Variants in SGCZ observed in about 807,000 individuals in gnomAD.
SGCZ encodes zeta-sarcoglycan.
SGCZ carries 40 observed loss-of-function variants against 41.3 expected under a neutral mutation model. That is an observed-to-expected ratio of 0.97 (90% CI 0.75 to 1.26). The LOEUF is 1.26. SGCZ is among the 50% of genes most tolerant of loss of function. SGCZ has a pLI of 0.00. For missense variants in SGCZ, 552 were observed against 369.8 expected (o/e 1.49, Z -4.04); for synonymous variants, 206 against 137.5 (o/e 1.50, Z -3.49).
chr8:14,153,006 T>C (rs1803756771), intron 5 of SGCZ, among the ~76,000 whole-genome samples: 1 of 151,906 alleles, frequency 6.6e-6, no homozygotes, highest in South Asian at 2.1e-4. Flanking sequence ...AATAAGTGAT[T>C]GTCGGGGGTT....
chr8:14,721,366 T>C (rs1290715685), intron 1 of SGCZ, among the ~76,000 whole-genome samples: 1 of 152,206 alleles, frequency 6.6e-6, no homozygotes, highest in African/African-American at 2.4e-5. Flanking sequence ...GAGCTCAATC[T>C]AGATATCCAA....
At chr8:15,235,645 T>G (rs1340489783) in intron 1 of SGCZ, among the ~76,000 whole-genome samples, 1 of 152,126 alleles carries the variant, frequency 6.6e-6, no homozygotes, top group African/African-American at 2.4e-5. Context: ...GTTTCCCCAG[T>G]GGGTTTGCTC....
intron 1 of SGCZ, among the ~76,000 whole-genome samples, chr8:14,697,190 G>T (rs1201922409): frequency 6.6e-6 from 1 of 151,952 alleles, no homozygotes; most frequent in Admixed American, 6.6e-5. Context: ...TTTTAGTGTG[G>T]CCAGGTCACT....
chr8:14,694,747 A>G (rs1241434894), intron 1 of SGCZ, among the ~76,000 whole-genome samples: 2 of 152,100 alleles, frequency 1.3e-5, no homozygotes, highest in African/African-American at 4.8e-5. Context: ...AAAAGAAATA[A>G]CTCATATTTA....
At chr8:15,028,581 A>G (rs1452299311) in intron 1 of SGCZ, among the ~76,000 whole-genome samples, 3 of 152,142 alleles carry the variant, frequency 2.0e-5, no homozygotes, top group Non-Finnish European at 2.9e-5. Flanking sequence ...CATAAGGAAC[A>G]CTATCCAGAT....
At chr8:14,242,897 C>G (rs1798942353) in intron 3 of SGCZ, among the ~76,000 whole-genome samples, 1 of 152,066 alleles carries the variant, frequency 6.6e-6, no homozygotes, top group Non-Finnish European at 1.5e-5. Context: ...TTGAATTCAA[C>G]AAAACATACT....
At chr8:15,005,566 G>A (rs1206042985) in intron 1 of SGCZ, among the ~76,000 whole-genome samples, 2 of 109,422 alleles carry the variant, frequency 1.8e-5, no homozygotes, top group Non-Finnish European at 4.1e-5. Context: ...CCTGACCTCA[G>A]GTTGTTCCGC....
chr8:14,761,340 C>T lies in SGCZ; in HGVS notation c.40-206414G>A, dbSNP rs1585238331. Among the ~76,000 whole-genome samples, 5 of 151,720 alleles carry T rather than the reference C, an allele frequency of 3.3e-5. No homozygotes were observed. The South Asian group carries it at 1.0e-3, about 32-fold the overall frequency. ...ATATTCAAAATAATGCTGAGCTACT[C>T]GCTAAGGATACTACAATATTTACTA... On this transcript the variant is annotated intron_variant, in intron 1 of 7. Coordinates refer to ENST00000382080, the MANE Select transcript of SGCZ (RefSeq NM_139167.4).
At chr8:15,157,539 T>C (rs1225573199) in intron 1 of SGCZ, among the ~76,000 whole-genome samples, 1 of 152,136 alleles carries the variant, frequency 6.6e-6, no homozygotes, top group Non-Finnish European at 1.5e-5. Context: ...ACGGATTCAA[T>C]TCATGCTTTA....
chr8:14,715,919 A>G (rs1809674735), intron 1 of SGCZ, among the ~76,000 whole-genome samples: 1 of 152,172 alleles, frequency 6.6e-6, no homozygotes, highest in Admixed American at 6.6e-5. Context: ...TGGTAGAAAT[A>G]AAGATATCAG....
At chr8:14,990,389 CA>C (rs67208024) in intron 1 of SGCZ, among the ~76,000 whole-genome samples, 52,155 of 152,008 alleles carry the variant, frequency 0.34, 9,707 homozygotes, top group Non-Finnish European at 0.4. Flanking sequence ...GAGTGGCAAG[CA>C]AGCCAGCCAA....
At chr8:14,349,736 G>T (rs572517256) in intron 2 of SGCZ, among the ~76,000 whole-genome samples, 2 of 152,198 alleles carry the variant, frequency 1.3e-5, no homozygotes, top group Admixed American at 6.5e-5. Flanking sequence ...CTTTGAAATT[G>T]TAAGACTTAA....
rs201031536 is a variant in SGCZ at position 14,487,322 on chromosome 8, ATGTTGAT to A, written c.234+67403_234+67409del. ...AAGTCCTGTTAAAATACTTGCAAGT[ATGTTGAT>A]TTTTAAAAAATAATAATATTTGTAA... On this transcript the variant is annotated intron_variant, in intron 2 of 7. Coordinates refer to ENST00000382080, the MANE Select transcript of SGCZ (RefSeq NM_139167.4). Among the ~76,000 whole-genome samples the A allele has an allele frequency of 8.3e-3, 1,262 of 152,314 alleles. 20 individuals carry two copies. Among genetic ancestry groups the A allele is most frequent in the African/African-American group, 0.029 (1,201 of 41,558 alleles).
At chr8:14,251,994 G>A (rs1164859857) in intron 3 of SGCZ, among the ~76,000 whole-genome samples, 1 of 152,102 alleles carries the variant, frequency 6.6e-6, no homozygotes, top group African/African-American at 2.4e-5. Context: ...ACAGGCGTGA[G>A]CCACCGTGCC....
intron 2 of SGCZ, among the ~76,000 whole-genome samples, chr8:14,359,089 G>A (rs79963277): frequency 6.6e-6 from 1 of 151,578 alleles, no homozygotes; most frequent in Non-Finnish European, 1.5e-5. Flanking sequence ...GATATCTATT[G>A]GTAATTATAA....
intron 1 of SGCZ, among the ~76,000 whole-genome samples, chr8:14,769,474 A>G (rs1402798886): frequency 3.3e-5 from 5 of 152,184 alleles, no homozygotes; most frequent in African/African-American, 1.2e-4. Flanking sequence ...AGTGCTCATA[A>G]AAGGAAGGAG....
intron 2 of SGCZ, among the ~76,000 whole-genome samples, chr8:14,496,655 A>ACATTAT (rs1801996547): frequency 6.6e-6 from 1 of 152,102 alleles, no homozygotes; most frequent in Non-Finnish European, 1.5e-5. Flanking sequence ...ATTTTTTGAG[A>ACATTAT]CATTATCATT....
rs1048310489 is a variant in SGCZ, at chr8:14,239,334, G to A, written c.337-1655C>T. Among the ~76,000 whole-genome samples the A allele has an allele frequency of 2.0e-5, 3 of 151,744 alleles. No homozygotes were observed. The South Asian group carries it at 6.2e-4, about 32-fold the overall frequency. On this transcript the variant is annotated intron_variant, in intron 3 of 7. Transcript: ENST00000382080. Reference sequence around the variant, plus strand: ...TTCAATGTAAGTATGTTAAAAAGGAGCTTTGAATTAAACACATTTGAATAT... The same window carrying A: ...TTCAATGTAAGTATGTTAAAAAGGAACTTTGAATTAAACACATTTGAATAT...
At chr8:14,312,238 T>A (rs1801570641) in intron 3 of SGCZ, among the ~76,000 whole-genome samples, 1 of 152,166 alleles carries the variant, frequency 6.6e-6, no homozygotes, top group Admixed American at 6.6e-5. Context: ...TTACTGTGGT[T>A]CAAATTCAAA....
Sources: gnomAD v4.1 joint callset for allele counts (sites outside exome capture counted in the v4.1 genomes callset) on GRCh38, gnomAD v4.1.1 for gene constraint, MANE v1.5 for transcripts, NCBI Gene and HGNC (gene_info 2026-07-23, HGNC 2026-07-21) for gene names.